Variants in ST3GAL5 observed in about 807,000 individuals in gnomAD.
ST3GAL5 encodes the protein ST3 beta-galactoside alpha-2,3-sialyltransferase 5.
Under a neutral mutation model 46.1 loss-of-function variants are expected in ST3GAL5, and 25 were observed. The ratio of observed to expected loss-of-function variants is 0.54; its 90% CI spans 0.40 to 0.76. The LOEUF (loss-of-function observed/expected upper bound fraction) is 0.76, where lower values mean the gene tolerates loss of function less well. Among genes scored for constraint, ST3GAL5 ranks in the 30% least tolerant of loss-of-function variants. ST3GAL5 has a pLI of 0.00. For missense variants in ST3GAL5, 431 were observed against 521.2 expected (o/e 0.83, Z 1.69); for synonymous variants, 182 against 192.7 (o/e 0.94, Z 0.46).
intron 3 of ST3GAL5, chr2:85,851,371 T>C: frequency 8.5e-7 from 1 of 1,179,726 alleles, no homozygotes; most frequent in Non-Finnish European, 1.1e-6. Context: ...CAATTCCTTG[T>C]CCTCTTTTGT....
At chr2:85,849,295 T>C (rs1683194440) in intron 3 of ST3GAL5, 1 of 152,200 alleles carries the variant, frequency 6.6e-6, no homozygotes, top group Admixed American at 6.5e-5. Context: ...GGCATGAGTA[T>C]CGAGTGATCC....
At chr2:85,883,527 A>C (rs1687420369) in intron 1 of ST3GAL5, among the ~76,000 whole-genome samples, 1 of 152,202 alleles carries the variant, frequency 6.6e-6, no homozygotes, top group Admixed American at 6.5e-5. Context: ...AAGGGTTCCC[A>C]GAGGAAAGAA....
chr2:85,850,219 G>C (rs1683327206), intron 3 of ST3GAL5: 1 of 152,210 alleles, frequency 6.6e-6, no homozygotes, highest in Non-Finnish European at 1.5e-5. Flanking sequence ...CAGAAACGCT[G>C]CTGCAGACAC....
chr2:85,886,823 C>T (rs556942401), intron 1 of ST3GAL5, among the ~76,000 whole-genome samples: 127 of 152,318 alleles, frequency 8.3e-4, no homozygotes, highest in Non-Finnish European at 1.5e-3. Context: ...CTTTTCCTTC[C>T]TCAGCAGTTA....
intron 1 of ST3GAL5, chr2:85,866,153 G>A (rs1274942635): frequency 6.6e-6 from 1 of 152,206 alleles, no homozygotes; most frequent in African/African-American, 2.4e-5. Context: ...CCTAAGCCCA[G>A]ACCTGTATAC....
At chr2:85,873,782 C>CA (rs1004259567) in intron 1 of ST3GAL5, among the ~76,000 whole-genome samples, 12 of 151,844 alleles carry the variant, frequency 7.9e-5, no homozygotes, top group Admixed American at 7.2e-4. Context: ...CAGGAGAAAA[C>CA]AAAAAAACAA....
chr2:85,877,246 C>T (rs1216530272), intron 1 of ST3GAL5, among the ~76,000 whole-genome samples: 1 of 152,130 alleles, frequency 6.6e-6, no homozygotes, highest in African/African-American at 2.4e-5. Context: ...TCCATTAGTC[C>T]CAGTGATGGC....
chr2:85,839,822 T>G lies in ST3GAL5; in HGVS notation c.*322A>C. 1 of 377,158 alleles carries G rather than the reference T, an allele frequency of 2.7e-6. No individual in the cohort carries two copies. The highest frequency in any genetic ancestry group is 5.1e-6 in the Non-Finnish European group (1 of 197,528). The allele number at this position is 377,158 out of a possible 1,614,324, so 23.4% of individuals were successfully genotyped here. On this transcript the variant is annotated 3_prime_UTR_variant, in exon 7 of 7. Transcript: ENST00000638572. The stretch of plus-strand genomic sequence containing the variant: ...TTAGTTACCTGTATTCAATGTGCAG[T>G]GTAAACGAGCAGAAGTTTTACAAAT...
chr2:85,885,780 G>A (rs1297600103), intron 1 of ST3GAL5, among the ~76,000 whole-genome samples: 1 of 151,026 alleles, frequency 6.6e-6, no homozygotes, highest in African/African-American at 2.4e-5. Flanking sequence ...AACTGAGATC[G>A]TGCCACTGCA....
At chr2:85,847,089 T>C (rs1182465948) in intron 4 of ST3GAL5, among the ~76,000 whole-genome samples, 1 of 152,172 alleles carries the variant, frequency 6.6e-6, no homozygotes, top group Non-Finnish European at 1.5e-5. Flanking sequence ...CCACTGCGCC[T>C]GGCCAGAAAA....
At chr2:85,846,241 G>A (rs975644648) in intron 5 of ST3GAL5, 136 bp downstream of exon 5, 48 of 815,868 alleles carry the variant, frequency 5.9e-5, no homozygotes, top group Middle Eastern at 7.2e-4. Context: ...TACAAAGAGA[G>A]TGATCATCAT....
intron 1 of ST3GAL5, among the ~76,000 whole-genome samples, chr2:85,882,552 G>A (rs905534628): frequency 6.6e-6 from 1 of 152,130 alleles, no homozygotes; most frequent in African/African-American, 2.4e-5. Flanking sequence ...TAAGATTTGG[G>A]CCAGGTGTAG....
chr2:85,861,747 A>G (rs964432378), intron 2 of ST3GAL5, among the ~76,000 whole-genome samples: 1 of 152,004 alleles, frequency 6.6e-6, no homozygotes, highest in African/African-American at 2.4e-5. Flanking sequence ...AGACAGGACC[A>G]TTAGTTACCC....
At chr2:85,845,303 C>A (rs985588649) in intron 5 of ST3GAL5, 30 of 153,128 alleles carry the variant, frequency 2.0e-4, no homozygotes, top group African/African-American at 7.2e-4. Flanking sequence ...ACAAGGGAAC[C>A]ACTGACCAAA....
chr2:85,840,267 T>C lies in ST3GAL5; in HGVS notation c.1134A>G (p.Gln378=), dbSNP rs2104583935. Reference sequence around the variant, plus strand: ...TCTGAAAGTTCATAGCAGCCATGCATTGACTGTCGAAGTAGTGCAAAGGTG... The same window carrying C: ...TCTGAAAGTTCATAGCAGCCATGCACTGACTGTCGAAGTAGTGCAAAGGTG... The part of the protein sequence containing the change: ...PRTPLHYFDS[Q]CMAAMNFQTM... Residue 378 remains glutamine, a synonymous_variant, in exon 7 of 7, where the codon CAA becomes CAG. Transcript: ENST00000638572. 1.9e-6 allele frequency: 3 copies of C among 1,614,216 alleles called. No homozygotes were observed. The highest frequency in any genetic ancestry group is 1.1e-5 in the South Asian group (1 of 91,090).
intron 1 of ST3GAL5, among the ~76,000 whole-genome samples, chr2:85,868,476 ATT>A (rs33930859): frequency 1.0e-4 from 14 of 134,258 alleles, no homozygotes; most frequent in African/African-American, 8.3e-5. Context: ...TAATTTTTGT[ATT>A]TTTTTTTTTT....
chr2:85,862,467 C>CT (rs1335611776), intron 2 of ST3GAL5, among the ~76,000 whole-genome samples: 2 of 151,806 alleles, frequency 1.3e-5, no homozygotes, highest in African/African-American at 4.8e-5. Context: ...AAAGGTGTTA[C>CT]ATTCAGTGCA....
At chr2:85,850,354 C>T (rs892814749) in intron 3 of ST3GAL5, 5 of 152,270 alleles carry the variant, frequency 3.3e-5, no homozygotes, top group Non-Finnish European at 7.3e-5. Flanking sequence ...AAACAACAGC[C>T]TCTACCTATA....
At chr2:85,871,420 C>G (rs929206259) in intron 1 of ST3GAL5, among the ~76,000 whole-genome samples, 2 of 152,130 alleles carry the variant, frequency 1.3e-5, no homozygotes, top group South Asian at 2.1e-4. Flanking sequence ...AATATAAGGG[C>G]AAATTTGGGC....
Sources: gnomAD v4.1 joint callset for allele counts (sites outside exome capture counted in the v4.1 genomes callset) on GRCh38, gnomAD v4.1.1 for gene constraint, MANE v1.5 for transcripts, NCBI Gene and HGNC (gene_info 2026-07-23, HGNC 2026-07-21) for gene names.